The following NRXN3 variants were observed in gnomAD, a reference collection of about 807,000 sequenced individuals.
The protein encoded by NRXN3 is neurexin III.
In NRXN3, 32 loss-of-function variants were observed where a neutral mutation model predicts 137.6. That is an observed-to-expected ratio of 0.23 (90% CI 0.18 to 0.31). The LOEUF (loss-of-function observed/expected upper bound fraction) is 0.31. Ranked by LOEUF, NRXN3 falls within the 10% of genes least tolerant of loss-of-function variation. The pLI is 1.00. For missense variants in NRXN3, 1,574 were observed against 2,062.5 expected, an observed-to-expected ratio of 0.76 and a Z score of 4.59; for synonymous variants, 798 against 784.5, an observed-to-expected ratio of 1.02 and a Z score of -0.29.
intron 15 of NRXN3, among the ~76,000 whole-genome samples, chr14:79,145,387 CACTT>C (rs1173226599): frequency 6.6e-6 from 1 of 152,124 alleles, no homozygotes; most frequent in Non-Finnish European, 1.5e-5. Context: ...AGTCATATCT[CACTT>C]AGTTCTACAA....
intron 8 of NRXN3, among the ~76,000 whole-genome samples, chr14:78,718,929 G>C (rs1157930784): frequency 6.6e-6 from 1 of 152,156 alleles, no homozygotes. Flanking sequence ...AAGTCCTGTT[G>C]GACAGAGGAA....
intron 15 of NRXN3, among the ~76,000 whole-genome samples, chr14:79,003,454 C>T (rs1234209909): frequency 6.6e-6 from 1 of 152,160 alleles, no homozygotes; most frequent in Non-Finnish European, 1.5e-5. Flanking sequence ...GATAATTTCA[C>T]AGTCACTGCT....
chr14:79,321,667 C>T (rs947759691), intron 15 of NRXN3, among the ~76,000 whole-genome samples: 2 of 151,264 alleles, frequency 1.3e-5, no homozygotes, highest in Non-Finnish European at 2.9e-5. Context: ...TAGTTCCTGG[C>T]ATTGGGCAAC....
At chr14:78,917,544 A>C (rs943933648) in intron 10 of NRXN3, among the ~76,000 whole-genome samples, 10 of 152,198 alleles carry the variant, frequency 6.6e-5, no homozygotes, top group Non-Finnish European at 1.0e-4. Flanking sequence ...TCTTGTGAGA[A>C]GTCATTATTT....
At chr14:79,428,362 T>C (rs1386508347) in intron 15 of NRXN3, among the ~76,000 whole-genome samples, 1 of 152,014 alleles carries the variant, frequency 6.6e-6, no homozygotes, top group Admixed American at 6.6e-5. Context: ...TAATATTATC[T>C]TTTATTTGTC....
chr14:79,386,105 G>A (rs962143960), intron 15 of NRXN3, among the ~76,000 whole-genome samples: 1 of 152,072 alleles, frequency 6.6e-6, no homozygotes, highest in Non-Finnish European at 1.5e-5. Flanking sequence ...TCTGGCCAGG[G>A]CAATCAGGCA....
intron 4 of NRXN3, among the ~76,000 whole-genome samples, chr14:78,635,088 T>A (rs1690942284): frequency 6.6e-6 from 1 of 152,178 alleles, no homozygotes; most frequent in African/African-American, 2.4e-5. Context: ...AATATCTGAT[T>A]GTCTTGTTTT....
chr14:79,421,599 G>T (rs1228759944), intron 15 of NRXN3, among the ~76,000 whole-genome samples: 1 of 152,178 alleles, frequency 6.6e-6, no homozygotes, highest in Non-Finnish European at 1.5e-5. Context: ...ATTTCTGTCA[G>T]CTACAGAATG....
chr14:78,424,209 A>G (rs1372852692), intron 4 of NRXN3, among the ~76,000 whole-genome samples: 1 of 152,104 alleles, frequency 6.6e-6, no homozygotes, highest in Non-Finnish European at 1.5e-5. Context: ...TTCTTACCAC[A>G]TTGTTCTTGC....
intron 6 of NRXN3, among the ~76,000 whole-genome samples, chr14:78,703,439 G>A (rs1304388093): frequency 1.3e-5 from 2 of 152,118 alleles, no homozygotes; most frequent in South Asian, 2.1e-4. Flanking sequence ...GAGTAGGAAC[G>A]TTATGCAATA....
chr14:78,255,396 C>A (rs73310326), intron 2 of NRXN3, among the ~76,000 whole-genome samples: 81 of 152,282 alleles, frequency 5.3e-4, no homozygotes, highest in African/African-American at 1.9e-3. Flanking sequence ...GCCACGTGGG[C>A]AGAGGATGGT....
chr14:79,631,617 G>A (rs1603274013), intron 16 of NRXN3, among the ~76,000 whole-genome samples: 4 of 152,354 alleles, frequency 2.6e-5, no homozygotes, highest in East Asian at 1.9e-4. Context: ...TTCCAAAGTC[G>A]CCAGTGAGTG....
At chr14:79,144,064 G>A (rs2059067217) in intron 15 of NRXN3, among the ~76,000 whole-genome samples, 1 of 152,188 alleles carries the variant, frequency 6.6e-6, no homozygotes, top group Non-Finnish European at 1.5e-5. Context: ...TAGCCAAGAA[G>A]GCACTTACGT....
At chr14:79,302,808 A>C (rs186427831) in intron 15 of NRXN3, among the ~76,000 whole-genome samples, 302 of 152,038 alleles carry the variant, frequency 2.0e-3, no homozygotes, top group African/African-American at 7.0e-3. Context: ...GAGGCTTCCC[A>C]AGACATATGG....
At chr14:79,847,612 C>A (rs1211628306) in intron 20 of NRXN3, among the ~76,000 whole-genome samples, 1 of 152,148 alleles carries the variant, frequency 6.6e-6, no homozygotes, top group Non-Finnish European at 1.5e-5. Flanking sequence ...ATAAAATATT[C>A]ATTTCAAATG....
intron 19 of NRXN3, among the ~76,000 whole-genome samples, chr14:79,718,441 G>A (rs1248044535): frequency 6.6e-6 from 1 of 152,208 alleles, no homozygotes; most frequent in Non-Finnish European, 1.5e-5. Context: ...CTATTAGAAC[G>A]TACTAAGTAA....
At chr14:78,338,430 G>A (rs550108819) in intron 4 of NRXN3, among the ~76,000 whole-genome samples, 10 of 152,156 alleles carry the variant, frequency 6.6e-5, no homozygotes, top group Non-Finnish European at 1.5e-4. Context: ...GCCCCTTTGG[G>A]CCTGTGTTTG....
At chr14:79,811,462 C>T (rs879898617) in intron 20 of NRXN3, among the ~76,000 whole-genome samples, 1 of 152,028 alleles carries the variant, frequency 6.6e-6, no homozygotes, top group Non-Finnish European at 1.5e-5. Flanking sequence ...CAACCGCCTT[C>T]ATTGATCTAT....
At chr14:79,076,474 G>A (rs2045988531) in intron 15 of NRXN3, among the ~76,000 whole-genome samples, 1 of 152,140 alleles carries the variant, frequency 6.6e-6, no homozygotes, top group Non-Finnish European at 1.5e-5. Context: ...CCTATGGCTG[G>A]TGGCAGGCCT....
Sources: allele counts gnomAD v4.1 joint callset (sites outside exome capture counted in the v4.1 genomes callset), GRCh38; gene constraint gnomAD v4.1.1; transcripts MANE v1.5; gene names NCBI Gene and HGNC (gene_info 2026-07-23, HGNC 2026-07-21).